Variants in ST6GALNAC3 observed in about 807,000 individuals in gnomAD.
The protein encoded by ST6GALNAC3 is alpha-N-acetylgalactosaminide alpha-2,6-sialyltransferase 3.
In ST6GALNAC3, 25 loss-of-function variants were observed where a neutral mutation model predicts 32.7. The observed-to-expected ratio is 0.76, with a 90% CI of 0.56 to 1.07. ST6GALNAC3 has a LOEUF of 1.07. ST6GALNAC3 is among the 50% of genes least tolerant of loss of function. The pLI, the probability that ST6GALNAC3 is intolerant of heterozygous loss-of-function variation, is 0.00. For missense variants in ST6GALNAC3, 355 were observed against 382.4 expected, an observed-to-expected ratio of 0.93 and a Z score of 0.60; for synonymous variants, 129 against 133.1, an observed-to-expected ratio of 0.97 and a Z score of 0.21.
intron 1 of ST6GALNAC3, among the ~76,000 whole-genome samples, chr1:76,184,519 G>GCGCGCACA (rs1335590722): frequency 1.1e-3 from 146 of 134,172 alleles, no homozygotes; most frequent in African/African-American, 4.1e-3. Context: ...CTCCTGGGCA[G>GCGCGCACA]CACACACACA....
intron 3 of ST6GALNAC3, among the ~76,000 whole-genome samples, chr1:76,452,159 G>T (rs1046807507): frequency 1.3e-5 from 2 of 152,112 alleles, no homozygotes; most frequent in African/African-American, 4.8e-5. Context: ...AATCATGGGG[G>T]CAGGTCTTTT....
rs376924827 is a variant in ST6GALNAC3, at chr1:76,162,251, C to T, written c.18+87367C>T. On this transcript the variant is annotated intron_variant, in intron 1 of 4. Coordinates refer to ENST00000328299, the MANE Select transcript of ST6GALNAC3 (RefSeq NM_152996.4). ...AATAAGATAATCCATGTAAAAGATG[C>T]TCAGCCTAGTCCCTGGCATATGGCA... is the stretch of plus-strand genomic sequence containing the variant. Among the ~76,000 whole-genome samples, 30 of 152,300 alleles carry T rather than the reference C, an allele frequency of 2.0e-4. No homozygotes were observed. The South Asian group carries it at 6.0e-3, about 31-fold the overall frequency.
intron 2 of ST6GALNAC3, among the ~76,000 whole-genome samples, chr1:76,405,318 G>T (rs1557859508): frequency 1.3e-5 from 2 of 152,138 alleles, no homozygotes; most frequent in East Asian, 3.9e-4. Context: ...TGTTTTGCAA[G>T]TTTTATTATT....
intron 3 of ST6GALNAC3, among the ~76,000 whole-genome samples, chr1:76,545,714 T>G (rs1193247904): frequency 1.3e-5 from 2 of 151,198 alleles, no homozygotes; most frequent in Admixed American, 1.3e-4. Flanking sequence ...TGGAGTGCAA[T>G]GGCGCACTCT....
At chr1:76,263,983 G>T (rs1658392100) in intron 1 of ST6GALNAC3, among the ~76,000 whole-genome samples, 1 of 152,200 alleles carries the variant, frequency 6.6e-6, no homozygotes, top group African/African-American at 2.4e-5. Context: ...AATCAGGGAA[G>T]TTGAAATAGG....
intron 3 of ST6GALNAC3, among the ~76,000 whole-genome samples, chr1:76,614,850 A>G (rs926385322): frequency 2.6e-5 from 4 of 151,920 alleles, no homozygotes; most frequent in Non-Finnish European, 5.9e-5. Context: ...AGGAAAGAAT[A>G]GAGAGGAATG....
chr1:76,378,135 G>A (rs1409784066), intron 2 of ST6GALNAC3, among the ~76,000 whole-genome samples: 2 of 152,132 alleles, frequency 1.3e-5, no homozygotes, highest in African/African-American at 4.8e-5. Flanking sequence ...GGTATGTGAA[G>A]TAGCAGTTTG....
At chr1:76,356,695 A>G (rs1183339199) in intron 2 of ST6GALNAC3, among the ~76,000 whole-genome samples, 1 of 152,176 alleles carries the variant, frequency 6.6e-6, no homozygotes, top group Non-Finnish European at 1.5e-5. Flanking sequence ...TACATCAAAA[A>G]GCATTCTAAT....
At chr1:76,145,428 T>A (rs1174811919) in intron 1 of ST6GALNAC3, among the ~76,000 whole-genome samples, 1 of 152,156 alleles carries the variant, frequency 6.6e-6, no homozygotes, top group Non-Finnish European at 1.5e-5. Flanking sequence ...AGGGAGCTTG[T>A]TGGACACGTG....
At chr1:76,515,516 G>A (rs1662120734) in intron 3 of ST6GALNAC3, among the ~76,000 whole-genome samples, 3 of 151,946 alleles carry the variant, frequency 2.0e-5, no homozygotes, top group South Asian at 4.2e-4. Flanking sequence ...TTATTTATCA[G>A]GAATCTTCCT....
intron 2 of ST6GALNAC3, 94 bp downstream of exon 2, chr1:76,314,093 T>A: frequency 8.0e-7 from 1 of 1,248,510 alleles, no homozygotes; most frequent in Non-Finnish European, 1.1e-6. Context: ...CTGAACTTAC[T>A]CTGTCTGCCC....
intron 1 of ST6GALNAC3, among the ~76,000 whole-genome samples, chr1:76,266,681 C>G (rs1658545090): frequency 6.6e-6 from 1 of 152,182 alleles, no homozygotes; most frequent in South Asian, 2.1e-4. Flanking sequence ...CCTGCTCCAT[C>G]TTGATTTTAG....
At position 76,373,959 on chromosome 1, in the gene ST6GALNAC3, G is replaced by A. The variant is rs1197923891; in HGVS notation, c.214-38049G>A. On this transcript the variant is annotated intron_variant, in intron 2 of 4. Transcript: ENST00000328299. ...GTGAAGAGTACATTAAAATAGGAAG[G>A]AACATTCCAGAGTGCTCAATTGCCT... 2.0e-5 allele frequency among the ~76,000 whole-genome samples: 3 copies of A among 152,056 alleles called. No individual in the cohort carries two copies. The East Asian group carries it at 5.8e-4, about 29-fold the overall frequency.
chr1:76,627,510 G>T lies in ST6GALNAC3; in HGVS notation c.682G>T (p.Ala228Ser). Residue 228 changes from alanine to serine, a missense_variant, in exon 4 of 5, where the codon GCC becomes TCC. Physicochemically the swap from Ala to Ser is moderately conservative, Grantham distance 99. Transcript: ENST00000328299. Reference sequence around the variant, plus strand: ...GTTTACCTTCCTTCTGGCCATGGACGCCTGTTATGGCATTCACGTCTACGG... The same window carrying T: ...GTTTACCTTCCTTCTGGCCATGGACTCCTGTTATGGCATTCACGTCTACGG... Reference protein sequence around the residue: ...GWFTFLLAMDACYGIHVYGMI... With the variant: ...GWFTFLLAMDSCYGIHVYGMI... The T allele has an allele frequency of 6.2e-7, 1 of 1,612,640 alleles. No individual in the cohort carries two copies. Among genetic ancestry groups the T allele is most frequent in the Non-Finnish European group, 8.5e-7 (1 of 1,179,012 alleles).
chr1:76,567,137 T>A (rs983259202), intron 3 of ST6GALNAC3, among the ~76,000 whole-genome samples: 1 of 151,956 alleles, frequency 6.6e-6, no homozygotes, highest in African/African-American at 2.4e-5. Context: ...AGCAAAAGAG[T>A]ATTTTTGTAA....
intron 1 of ST6GALNAC3, among the ~76,000 whole-genome samples, chr1:76,145,045 C>A (rs915954807): frequency 6.6e-6 from 1 of 152,192 alleles, no homozygotes; most frequent in Non-Finnish European, 1.5e-5. Flanking sequence ...ATAAACAAAT[C>A]TGAATCCTGA....
chr1:76,577,036 G>A (rs758301227), intron 3 of ST6GALNAC3: 1 of 1,165,632 alleles, frequency 8.6e-7, no homozygotes, highest in Non-Finnish European at 1.1e-6. Context: ...TTTGTGTAAA[G>A]TTCTTTCCCT....
At chr1:76,191,658 A>T (rs1257331343) in intron 1 of ST6GALNAC3, among the ~76,000 whole-genome samples, 1 of 152,136 alleles carries the variant, frequency 6.6e-6, no homozygotes, top group Non-Finnish European at 1.5e-5. Context: ...TAAAATTACA[A>T]TGTGTCAACT....
intron 3 of ST6GALNAC3, among the ~76,000 whole-genome samples, chr1:76,470,846 AGGT>A (rs1257787759): frequency 6.6e-6 from 1 of 152,022 alleles, no homozygotes; most frequent in Non-Finnish European, 1.5e-5. Context: ...TCTTATGCTG[AGGT>A]GATTTTACCA....
Sources: allele counts gnomAD v4.1 joint callset (sites outside exome capture counted in the v4.1 genomes callset), GRCh38; gene constraint gnomAD v4.1.1; transcripts MANE v1.5; gene names NCBI Gene and HGNC (gene_info 2026-07-23, HGNC 2026-07-21).